The following MTMR7 variants were observed in gnomAD, a reference collection of about 807,000 sequenced individuals.
MTMR7 encodes the protein phosphatidylinositol-3-phosphate phosphatase MTMR7.
MTMR7 carries 76 observed loss-of-function variants against 81.2 expected under a neutral mutation model. The ratio of observed to expected loss-of-function variants is 0.94; its 90% CI spans 0.78 to 1.13. The LOEUF is 1.13. MTMR7 is among the 50% of genes most tolerant of loss of function. The pLI, the probability that MTMR7 is intolerant of heterozygous loss-of-function variation, is 0.00. For missense variants in MTMR7, 1,044 were observed against 820.0 expected, an observed-to-expected ratio of 1.27 and a Z score of -3.34; for synonymous variants, 372 against 289.8, an observed-to-expected ratio of 1.28 and a Z score of -2.88.
rs140695671 is a variant in MTMR7, at chr8:17,373,227, C to T, written c.38G>A (p.Arg13His). The change falls in exon 2 of 14, where the codon CGC becomes CAC. Residue 13 changes from arginine to histidine, a missense_variant. Transcript: ENST00000180173. The part of the protein sequence containing the change: ...HIRTPKVENV[R>H]LVDRVSPKKA... ...TTTAGGAGACACTCGATCTACCAAGCGGACATTTTCAACCTAGAGAAATCG... is the reference window on the plus strand; with the variant it reads ...TTTAGGAGACACTCGATCTACCAAGTGGACATTTTCAACCTAGAGAAATCG... 1.1e-5 allele frequency: 17 copies of T among 1,611,786 alleles called. No individual in the cohort carries two copies. In the South Asian group the frequency reaches 1.1e-4, roughly 10 times the overall value.
At chr8:17,372,461 G>A (rs1348222416) in intron 2 of MTMR7, among the ~76,000 whole-genome samples, 2 of 152,086 alleles carry the variant, frequency 1.3e-5, no homozygotes, top group Non-Finnish European at 2.9e-5. Flanking sequence ...GGTGGCGCGT[G>A]ACTGTAGTCC....
chr8:17,306,375 G>A (rs1037504626), intron 10 of MTMR7, among the ~76,000 whole-genome samples: 12 of 151,512 alleles, frequency 7.9e-5, no homozygotes, highest in African/African-American at 2.7e-4. Flanking sequence ...GAAGGGATGA[G>A]GAAAAAGACA....
intron 7 of MTMR7, among the ~76,000 whole-genome samples, chr8:17,325,353 A>G (rs7387654): frequency 0.43 from 65,175 of 151,972 alleles, 15,922 homozygotes; most frequent in East Asian, 0.79. Context: ...GAAGATTTCA[A>G]TCCATCAGGC....
chr8:17,325,477 G>C lies in MTMR7; in HGVS notation c.865+5673C>G, dbSNP rs937411279. 1.3e-5 allele frequency among the ~76,000 whole-genome samples: 2 copies of C among 152,292 alleles called. 1 individual carries two copies. The highest frequency in any genetic ancestry group is 4.8e-5 in the African/African-American group (2 of 41,544). On this transcript the variant is annotated intron_variant, in intron 7 of 13. Transcript: ENST00000180173. ...ATCATGTCAGGGAACATTTTTTTAA[G>C]TGGTTCTATTTTGAGGCCTGCTAAA...
intron 7 of MTMR7, among the ~76,000 whole-genome samples, chr8:17,320,950 A>G (rs1818359088): frequency 6.6e-6 from 1 of 152,120 alleles, no homozygotes; most frequent in African/African-American, 2.4e-5. Context: ...AAGTCTCAGG[A>G]TGCAATTGAT....
intron 10 of MTMR7, 78 bp from the exon 11 acceptor site, chr8:17,306,035 T>A (rs1184413163): frequency 3.5e-6 from 4 of 1,148,312 alleles, no homozygotes; most frequent in Non-Finnish European, 2.5e-6. Flanking sequence ...AAAACAACCA[T>A]AAAAGCAACC....
chr8:17,340,661 G>C (rs1173352519), intron 6 of MTMR7, among the ~76,000 whole-genome samples: 1 of 152,162 alleles, frequency 6.6e-6, no homozygotes, highest in Non-Finnish European at 1.5e-5. Context: ...CTCACTCCTT[G>C]ATGTCTAGAT....
chr8:17,396,989 C>T (rs1047705965), intron 1 of MTMR7, among the ~76,000 whole-genome samples: 12 of 151,786 alleles, frequency 7.9e-5, no homozygotes, highest in Admixed American at 2.0e-4. Context: ...GGAAACCTGC[C>T]GAATGGAAGA....
At chr8:17,351,837 C>G (rs1027081948) in intron 4 of MTMR7, among the ~76,000 whole-genome samples, 1 of 152,186 alleles carries the variant, frequency 6.6e-6, no homozygotes, top group African/African-American at 2.4e-5. Flanking sequence ...AACCTCTTAC[C>G]AAGCTAGAAG....
intron 1 of MTMR7, among the ~76,000 whole-genome samples, chr8:17,393,458 A>ATT (rs1251691038): frequency 2.6e-5 from 4 of 152,228 alleles, no homozygotes; most frequent in Non-Finnish European, 5.9e-5. Context: ...GAAAGAAAAT[A>ATT]TTTGCAAGTC....
intron 1 of MTMR7, among the ~76,000 whole-genome samples, chr8:17,384,396 G>T (rs1258553152): frequency 6.6e-6 from 1 of 152,174 alleles, no homozygotes; most frequent in East Asian, 1.9e-4. Flanking sequence ...GGATGACAGA[G>T]TGAGACCCTA....
At chr8:17,317,326 G>A (rs1404254686) in intron 7 of MTMR7, among the ~76,000 whole-genome samples, 3 of 152,172 alleles carry the variant, frequency 2.0e-5, no homozygotes, top group Non-Finnish European at 2.9e-5. Context: ...TAACATCTGC[G>A]AGTCCTTTGT....
At position 17,305,789 on chromosome 8, in the gene MTMR7, T is replaced by C. The variant is rs142124287; in HGVS notation, c.1320A>G (p.Leu440=). 8.7e-6 allele frequency: 14 copies of C among 1,613,380 alleles called. No homozygotes were observed. Among genetic ancestry groups the C allele is most frequent in the Non-Finnish European group, 1.1e-5 (13 of 1,179,590 alleles). The change falls in exon 11 of 14, where the codon CTA becomes CTG. Residue 440 remains leucine (L), a synonymous_variant. Coordinates refer to ENST00000180173, the MANE Select transcript of MTMR7 (RefSeq NM_004686.5). The part of the protein sequence containing the change: ...HIYSCQFGNF[L]CNSQKERREL... ...CTCGTCTCTCCTTTTGGCTGTTACA[T>C]AGGAAGTTTCCAAACTGGCAGGAAT...
chr8:17,330,101 G>T (rs896680791), intron 7 of MTMR7, among the ~76,000 whole-genome samples: 3 of 152,198 alleles, frequency 2.0e-5, no homozygotes, highest in Admixed American at 6.5e-5. Flanking sequence ...AGATGAACCA[G>T]AAAGTCCAGG....
chr8:17,300,114 G>A lies in MTMR7; in HGVS notation c.1731C>T (p.Asn577=), dbSNP rs755159810. ...TATTCCCACTGTAATCCTGGGGAGT[G>A]TTGGCTATGCTGTTGTCTGAGGTAG... ...GFSTSDNSIA[N]TPQDYSGNMK... Residue 577 remains asparagine, a synonymous_variant, in exon 14 of 14, where the codon AAC becomes AAT. Coordinates refer to ENST00000180173, the MANE Select transcript of MTMR7 (RefSeq NM_004686.5). 1.2e-6 allele frequency: 2 copies of A among 1,614,150 alleles called. No homozygotes were observed. Among genetic ancestry groups the A allele is most frequent in the Admixed American group, 1.7e-5 (1 of 60,014 alleles).
intron 7 of MTMR7, among the ~76,000 whole-genome samples, chr8:17,320,095 G>A (rs1296009434): frequency 1.3e-5 from 2 of 151,898 alleles, no homozygotes; most frequent in Admixed American, 6.6e-5. Flanking sequence ...TGGGATAGAC[G>A]GGGTTAAATA....
In MTMR7 at chr8:17,371,153, G is replaced by T; in HGVS notation, c.194C>A (p.Ala65Asp). ...GCGAATCAGCAGAGGGCATCCGGTA[G>T]CGGTTGTTGCCTGTTTCTCAATGGT... ...ISTIEKQATT[A>D]TGCPLLIRCK... Residue 65 changes from alanine to aspartate, a missense_variant, in exon 3 of 14, where the codon GCT (alanine) becomes GAT (aspartate). Coordinates refer to ENST00000180173, the MANE Select transcript of MTMR7 (RefSeq NM_004686.5). 1 of 1,614,224 alleles carries T rather than the reference G, an allele frequency of 6.2e-7. No homozygotes were observed. The highest frequency in any genetic ancestry group is 1.1e-5 in the South Asian group (1 of 91,076).
rs772719207 is a variant in MTMR7 at position 17,304,406 on chromosome 8, G to A, written c.1466C>T (p.Pro489Leu). Reference protein sequence around the residue: ...HSQTQGTLHLPTTPCNFMYKF... With the variant: ...HSQTQGTLHLLTTPCNFMYKF... ...GTACATGAAGTTACATGGTGTTGTA[G>A]GGAGATGAAGGGTTCCCTGAGTCTG... The change falls in exon 12 of 14, where the codon CCT becomes CTT. Residue 489 changes from proline to leucine, a missense_variant. Physicochemically the swap from Pro to Leu is moderately conservative, Grantham distance 98. Coordinates refer to ENST00000180173, the MANE Select transcript of MTMR7 (RefSeq NM_004686.5). The A allele has an allele frequency of 3.1e-6, 5 of 1,613,838 alleles. No homozygotes were observed. Among genetic ancestry groups the A allele is most frequent in the Non-Finnish European group, 4.2e-6 (5 of 1,179,874 alleles).
At chr8:17,398,572 G>T (rs910494926) in intron 1 of MTMR7, among the ~76,000 whole-genome samples, 1 of 152,038 alleles carries the variant, frequency 6.6e-6, no homozygotes, top group Non-Finnish European at 1.5e-5. Context: ...AGCCTCAAAC[G>T]GGCAAATCTA....
Sources: allele counts gnomAD v4.1 joint callset (sites outside exome capture counted in the v4.1 genomes callset), GRCh38; gene constraint gnomAD v4.1.1; transcripts MANE v1.5; gene names NCBI Gene and HGNC (gene_info 2026-07-23, HGNC 2026-07-21).